CAMKMT: variants seen among roughly 807,000 people sequenced by gnomAD.
CAMKMT encodes calmodulin-lysine N-methyltransferase, also known as CaM KMT.
A neutral mutation model predicts 48.0 loss-of-function variants in CAMKMT; 53 were observed. The ratio of observed to expected loss-of-function variants is 1.10; its 90% confidence interval spans 0.89 to 1.39. The LOEUF (loss-of-function observed/expected upper bound fraction) is 1.39. Among genes scored for constraint, CAMKMT ranks in the 40% most tolerant of loss-of-function variants. CAMKMT has a pLI of 0.00. For missense variants in CAMKMT, 428 were observed against 402.7 expected (o/e 1.06, Z -0.54); for synonymous variants, 165 against 152.3 (o/e 1.08, Z -0.61).
chr2:44,554,907 G>A (rs1667926489), intron 3 of CAMKMT, among the ~76,000 whole-genome samples: 1 of 152,022 alleles, frequency 6.6e-6, no homozygotes, highest in African/African-American at 2.4e-5. Context: ...AATAAATACT[G>A]CATTAGGATC....
intron 3 of CAMKMT, among the ~76,000 whole-genome samples, chr2:44,523,007 C>G (rs1671199855): frequency 6.6e-6 from 1 of 152,142 alleles, no homozygotes; most frequent in African/African-American, 2.4e-5. Flanking sequence ...ATCTTTGTTA[C>G]ATTTTTTATT....
intron 3 of CAMKMT, among the ~76,000 whole-genome samples, chr2:44,687,218 A>T (rs1374913058): frequency 1.3e-5 from 2 of 152,216 alleles, no homozygotes; most frequent in East Asian, 3.8e-4. Flanking sequence ...TTTTATGTTA[A>T]ATGGTTTCCA....
chr2:44,574,833 C>A (rs1239722616), intron 3 of CAMKMT, among the ~76,000 whole-genome samples: 6 of 151,864 alleles, frequency 4.0e-5, no homozygotes, highest in Non-Finnish European at 8.8e-5. Flanking sequence ...CTCCATCTCC[C>A]AGGTTCAAGC....
chr2:44,497,396 A>G (rs1395146382), intron 3 of CAMKMT, among the ~76,000 whole-genome samples: 2 of 152,138 alleles, frequency 1.3e-5, no homozygotes, highest in Non-Finnish European at 1.5e-5. Context: ...GAATGTGTAC[A>G]TTTCAGTATG....
chr2:44,677,345 G>A (rs190138669), intron 3 of CAMKMT, among the ~76,000 whole-genome samples: 40 of 152,196 alleles, frequency 2.6e-4, no homozygotes, highest in Middle Eastern at 3.4e-3. Flanking sequence ...AAGAACATAG[G>A]CAAACTTGTG....
chr2:44,403,590 AC>A (rs537002420), intron 3 of CAMKMT, among the ~76,000 whole-genome samples: 100 of 152,172 alleles, frequency 6.6e-4, no homozygotes, highest in Non-Finnish European at 1.3e-3. Context: ...GCCTTTATGA[AC>A]CTTCATTTTG....
chr2:44,393,178 C>T (rs2104422149), intron 3 of CAMKMT, among the ~76,000 whole-genome samples: 1 of 152,260 alleles, frequency 6.6e-6, no homozygotes, highest in South Asian at 2.1e-4. Context: ...GGTTTATGCT[C>T]TAAGTGAAAA....
At chr2:44,586,146 C>T (rs1481090022) in intron 3 of CAMKMT, among the ~76,000 whole-genome samples, 4 of 152,212 alleles carry the variant, frequency 2.6e-5, no homozygotes, top group Non-Finnish European at 5.9e-5. Flanking sequence ...AGGCAGCCTT[C>T]TGCCCAAGGT....
chr2:44,426,233 T>C (rs1684268960), intron 3 of CAMKMT, among the ~76,000 whole-genome samples: 1 of 152,156 alleles, frequency 6.6e-6, no homozygotes, highest in Non-Finnish European at 1.5e-5. Context: ...TCAACATAAT[T>C]GGTAACTGGC....
At chr2:44,535,383 C>G (rs550151161) in intron 3 of CAMKMT, among the ~76,000 whole-genome samples, 1 of 152,280 alleles carries the variant, frequency 6.6e-6, no homozygotes, top group African/African-American at 2.4e-5. Flanking sequence ...CCGACTTGTT[C>G]TATGAGGCCA....
intron 3 of CAMKMT, among the ~76,000 whole-genome samples, chr2:44,594,721 C>T (rs1670546794): frequency 6.6e-6 from 1 of 152,116 alleles, no homozygotes; most frequent in African/African-American, 2.4e-5. Context: ...AGAAGAAAAC[C>T]TAGGCAATGC....
chr2:44,532,265 G>A (rs996567092), intron 3 of CAMKMT, among the ~76,000 whole-genome samples: 3 of 152,166 alleles, frequency 2.0e-5, no homozygotes, highest in Non-Finnish European at 4.4e-5. Flanking sequence ...AAATGTCTAG[G>A]AGATCACAAT....
chr2:44,522,290 C>G (rs1404180452), intron 3 of CAMKMT, among the ~76,000 whole-genome samples: 1 of 152,140 alleles, frequency 6.6e-6, no homozygotes, highest in Non-Finnish European at 1.5e-5. Context: ...CAGGCATGAG[C>G]CACCGAGCCC....
intron 3 of CAMKMT, among the ~76,000 whole-genome samples, chr2:44,529,252 A>C (rs998681418): frequency 2.0e-5 from 3 of 152,204 alleles, no homozygotes; most frequent in African/African-American, 7.2e-5. Context: ...CATGTGTTTC[A>C]ATCAAATACA....
chr2:44,486,112 G>A (rs969957920), intron 3 of CAMKMT, among the ~76,000 whole-genome samples: 31 of 152,048 alleles, frequency 2.0e-4, no homozygotes, highest in Admixed American at 4.6e-4. Flanking sequence ...TTACAGGCCC[G>A]TGCCACCACG....
At chr2:44,541,729 C>T (rs1667116686) in intron 3 of CAMKMT, among the ~76,000 whole-genome samples, 1 of 150,446 alleles carries the variant, frequency 6.6e-6, no homozygotes, top group African/African-American at 2.5e-5. Context: ...CATGAGTGTG[C>T]CACTGAACAC....
rs183830187 is a variant in CAMKMT, at chr2:44,753,717, A to G, written c.699-338A>G. ...AGAGGGCCCAGGTCTAAGGGAGACTAGGCTCTAATGACAGGAAGTTGCCAG... is the reference window on the plus strand; with the variant it reads ...AGAGGGCCCAGGTCTAAGGGAGACTGGGCTCTAATGACAGGAAGTTGCCAG... On this transcript the variant is annotated intron_variant, in intron 8 of 10. Coordinates refer to ENST00000378494, the MANE Select transcript of CAMKMT (RefSeq NM_024766.5). 3.4e-3 allele frequency among the ~76,000 whole-genome samples: 513 copies of G among 152,312 alleles called. 3 individuals are homozygous for G. The highest frequency in any genetic ancestry group is 0.012 in the African/African-American group (484 of 41,566).
At chr2:44,403,509 T>C (rs949095517) in intron 3 of CAMKMT, among the ~76,000 whole-genome samples, 2 of 152,252 alleles carry the variant, frequency 1.3e-5, no homozygotes, top group Non-Finnish European at 2.9e-5. Context: ...CCTTGTACTC[T>C]ACTCGTAGAC....
At chr2:44,429,806 T>TC (rs1269835612) in intron 3 of CAMKMT, among the ~76,000 whole-genome samples, 6 of 14,002 alleles carry the variant, frequency 4.3e-4, no homozygotes, top group Non-Finnish European at 7.8e-4. Context: ...AGACTCCGTC[T>TC]CAAAAAAAAA....
Sources: allele counts gnomAD v4.1 joint callset (sites outside exome capture counted in the v4.1 genomes callset), GRCh38; gene constraint gnomAD v4.1.1; transcripts MANE v1.5; gene names NCBI Gene and HGNC (gene_info 2026-07-23, HGNC 2026-07-21).